The following DRC8 variants were observed in gnomAD, a reference collection of about 807,000 sequenced individuals.
DRC8 encodes dynein regulatory complex subunit 8.
the DRC8 span, among the ~76,000 whole-genome samples, chr1:245,120,371 T>A: frequency 6.6e-6 from 1 of 152,216 alleles, no homozygotes; most frequent in African/African-American, 2.4e-5. Context: ...GATCTCAATG[T>A]CTGTGTAGTA....
chr1:245,087,110 G>T, the DRC8 span: 1 of 1,304,396 alleles, frequency 7.7e-7, no homozygotes. Context: ...TGATGTCCTG[G>T]CTCTACAGCT....
the DRC8 span, among the ~76,000 whole-genome samples, chr1:245,075,230 G>C: frequency 2.0e-5 from 3 of 152,318 alleles, no homozygotes; most frequent in Non-Finnish European, 4.4e-5. Context: ...TCCAGGCTGT[G>C]ATCCCGTCAA....
the DRC8 span, chr1:245,059,263 C>T: frequency 9.1e-6 from 6 of 656,042 alleles, no homozygotes; most frequent in Non-Finnish European, 1.6e-5. Flanking sequence ...CTTTTATAAT[C>T]ATGAGGCAAT....
the DRC8 span, among the ~76,000 whole-genome samples, chr1:244,987,178 G>A: frequency 2.0e-5 from 3 of 151,912 alleles, no homozygotes; most frequent in African/African-American, 7.3e-5. Context: ...CATAAAAGTA[G>A]ATGATGATTG....
At chr1:245,004,332 C>T in the DRC8 span, among the ~76,000 whole-genome samples, 1 of 151,460 alleles carries the variant, frequency 6.6e-6, no homozygotes, top group Non-Finnish European at 1.5e-5. Context: ...TTCTACAAAA[C>T]AAAATGAAAA....
the DRC8 span, among the ~76,000 whole-genome samples, chr1:244,986,185 C>T: frequency 6.6e-6 from 1 of 151,648 alleles, no homozygotes; most frequent in Admixed American, 6.6e-5. Context: ...GAACTCCTGA[C>T]CTCAGGTGAC....
the DRC8 span, among the ~76,000 whole-genome samples, chr1:244,981,364 G>A: frequency 6.6e-6 from 1 of 152,182 alleles, no homozygotes; most frequent in African/African-American, 2.4e-5. Context: ...CAAGTAGGAA[G>A]AATTTCATGA....
the DRC8 span, among the ~76,000 whole-genome samples, chr1:245,001,470 C>T: frequency 6.6e-6 from 1 of 152,180 alleles, no homozygotes; most frequent in Non-Finnish European, 1.5e-5. Context: ...TTTCCAGGGG[C>T]AGAGCTTATA....
At chr1:244,978,154 TA>T in the DRC8 span, among the ~76,000 whole-genome samples, 1 of 152,230 alleles carries the variant, frequency 6.6e-6, no homozygotes, top group Non-Finnish European at 1.5e-5. Context: ...TTATAGATAT[TA>T]AGACTGTAAA....
chr1:245,005,071 G>GGT, the DRC8 span, among the ~76,000 whole-genome samples: 1 of 152,012 alleles, frequency 6.6e-6, no homozygotes, highest in East Asian at 1.9e-4. Context: ...CTATTAATGT[G>GGT]GTGTATTATG....
the DRC8 span, among the ~76,000 whole-genome samples, chr1:245,096,544 C>T: frequency 6.6e-6 from 1 of 152,210 alleles, no homozygotes; most frequent in Non-Finnish European, 1.5e-5. Flanking sequence ...GAGATTTCAG[C>T]CTCATGGGAG....
chr1:244,979,345 G>A, the DRC8 span, among the ~76,000 whole-genome samples: 1 of 113,318 alleles, frequency 8.8e-6, no homozygotes, highest in East Asian at 2.9e-4. Context: ...TGCTCTTGTC[G>A]CCCAGGTTGG....
the DRC8 span, among the ~76,000 whole-genome samples, chr1:245,106,173 G>A: frequency 6.2e-4 from 95 of 152,208 alleles, no homozygotes; most frequent in African/African-American, 2.2e-3. Flanking sequence ...CCTTTGGCTT[G>A]TGTGCTAGCC....
the DRC8 span, among the ~76,000 whole-genome samples, chr1:244,975,653 G>A: frequency 6.6e-6 from 1 of 152,164 alleles, no homozygotes; most frequent in Non-Finnish European, 1.5e-5. Flanking sequence ...GAGGTCAGGA[G>A]TTCAAAACCA....
chr1:245,038,282 A>C, the DRC8 span, among the ~76,000 whole-genome samples: 2 of 152,218 alleles, frequency 1.3e-5, no homozygotes, highest in Non-Finnish European at 2.9e-5. Flanking sequence ...CACCCTGGCT[A>C]ACATGGTGAA....
the DRC8 span, among the ~76,000 whole-genome samples, chr1:245,009,531 G>C: frequency 7.1e-6 from 1 of 140,502 alleles, no homozygotes. Context: ...GCGGTGGCAC[G>C]ATCTCTGCTC....
the DRC8 span, among the ~76,000 whole-genome samples, chr1:245,119,660 A>G: frequency 1.3e-5 from 2 of 151,568 alleles, no homozygotes; most frequent in African/African-American, 4.8e-5. Context: ...GAGGCTGGGC[A>G]CGGTGGCTCA....
the DRC8 span, among the ~76,000 whole-genome samples, chr1:245,054,513 G>A: frequency 2.6e-5 from 4 of 152,056 alleles, no homozygotes; most frequent in African/African-American, 9.7e-5. Flanking sequence ...CAGCAGCATC[G>A]GAAAGCCAAG....
At chr1:245,121,992 G>A in the DRC8 span, 18 of 382,860 alleles carry the variant, frequency 4.7e-5, no homozygotes, top group South Asian at 1.6e-4. Context: ...TCCACCTCCC[G>A]GGTTCAAGAG....
Sources: gnomAD v4.1 joint callset for allele counts (sites outside exome capture counted in the v4.1 genomes callset) on GRCh38, gnomAD v4.1.1 for gene constraint, MANE v1.5 for transcripts, NCBI Gene and HGNC (gene_info 2026-07-23, HGNC 2026-07-21) for gene names.